FERRY3: variants seen among roughly 807,000 people sequenced by gnomAD.
FERRY3 encodes the protein FERRY endosomal RAB5 effector complex subunit 3.
chr12:4,516,348 AGCTTCTGAAGAT>A, the FERRY3 span, among the ~76,000 whole-genome samples: 1 of 152,230 alleles, frequency 6.6e-6, no homozygotes, highest in Non-Finnish European at 1.5e-5. Context: ...ACAGAGTCCA[AGCTTCTGAAGAT>A]CTGGGTATAT....
chr12:4,531,980 A>C, the FERRY3 span, among the ~76,000 whole-genome samples: 5 of 152,230 alleles, frequency 3.3e-5, no homozygotes. Flanking sequence ...AAGAGAAAGC[A>C]GATAAGCTAT....
the FERRY3 span, among the ~76,000 whole-genome samples, chr12:4,519,665 C>T: frequency 3.3e-5 from 5 of 152,172 alleles, no homozygotes; most frequent in Non-Finnish European, 7.3e-5. The surrounding 1 kb of genome is among the most constrained non-coding windows in gnomAD (Gnocchi z 4.3). Context: ...CCCAATTCCC[C>T]GTACAGGCCT....
the FERRY3 span, among the ~76,000 whole-genome samples, chr12:4,498,200 G>A: frequency 2.6e-5 from 4 of 152,174 alleles, no homozygotes; most frequent in African/African-American, 9.6e-5. Flanking sequence ...GTGACTTTTG[G>A]AAACACTGTT....
At chr12:4,503,836 G>T in the FERRY3 span, among the ~76,000 whole-genome samples, 1 of 151,862 alleles carries the variant, frequency 6.6e-6, no homozygotes, top group African/African-American at 2.4e-5. Context: ...AAAAGACTAA[G>T]GAAACACATA....
At chr12:4,527,985 T>C in the FERRY3 span, among the ~76,000 whole-genome samples, 1 of 151,930 alleles carries the variant, frequency 6.6e-6, no homozygotes, top group Non-Finnish European at 1.5e-5. Context: ...AGATGAAGAA[T>C]CATGTAGAAC....
chr12:4,496,874 T>C, the FERRY3 span, among the ~76,000 whole-genome samples: 1 of 152,192 alleles, frequency 6.6e-6, no homozygotes, highest in East Asian at 1.9e-4. Flanking sequence ...TGTTAATAAG[T>C]TTCACAGTCC....
the FERRY3 span, among the ~76,000 whole-genome samples, chr12:4,532,876 T>C: frequency 6.6e-6 from 1 of 152,188 alleles, no homozygotes; most frequent in Non-Finnish European, 1.5e-5. Flanking sequence ...CCTCATCTTA[T>C]TCCTCTTCTC....
the FERRY3 span, among the ~76,000 whole-genome samples, chr12:4,514,460 G>A: frequency 5.9e-5 from 9 of 152,080 alleles, no homozygotes; most frequent in East Asian, 9.6e-4. Context: ...TGTTTACTGC[G>A]GCATTATTCA....
the FERRY3 span, among the ~76,000 whole-genome samples, chr12:4,494,377 C>G: frequency 2.6e-5 from 4 of 152,048 alleles, no homozygotes; most frequent in African/African-American, 9.7e-5. Flanking sequence ...ATGGCTTATG[C>G]CTTTGTGGCC....
At chr12:4,528,896 TACACACACACACACACAC>T in the FERRY3 span, among the ~76,000 whole-genome samples, 89 of 131,616 alleles carry the variant, frequency 6.8e-4, 1 homozygote, top group South Asian at 0.016. Context: ...TTAAATCAGT[TACACACACACACACACAC>T]ACACACACAC....
the FERRY3 span, among the ~76,000 whole-genome samples, chr12:4,494,707 C>G: frequency 6.6e-6 from 1 of 152,196 alleles, no homozygotes; most frequent in Non-Finnish European, 1.5e-5. Flanking sequence ...GCCAATATCA[C>G]ATTGCACTGA....
At chr12:4,516,657 T>A in the FERRY3 span, among the ~76,000 whole-genome samples, 2 of 152,192 alleles carry the variant, frequency 1.3e-5, no homozygotes, top group African/African-American at 4.8e-5. Flanking sequence ...GGGAGCTGAA[T>A]GATCAGAACA....
At chr12:4,494,405 C>T in the FERRY3 span, among the ~76,000 whole-genome samples, 8 of 152,168 alleles carry the variant, frequency 5.3e-5, no homozygotes, top group Admixed American at 2.0e-4. Flanking sequence ...TTTTAACCTG[C>T]TTAACCTGAT....
At chr12:4,521,374 G>A in the FERRY3 span, among the ~76,000 whole-genome samples, 6 of 151,878 alleles carry the variant, frequency 4.0e-5, no homozygotes, top group Admixed American at 6.6e-5. Context: ...TCTCGGGGCC[G>A]GGGAGGAGAA....
the FERRY3 span, among the ~76,000 whole-genome samples, chr12:4,510,664 G>A: frequency 6.6e-6 from 1 of 151,120 alleles, no homozygotes; most frequent in Middle Eastern, 3.4e-3. Context: ...AAGTGAAGGA[G>A]AAATAAAATA....
At chr12:4,526,798 T>C in the FERRY3 span, among the ~76,000 whole-genome samples, 2 of 150,964 alleles carry the variant, frequency 1.3e-5, no homozygotes, top group African/African-American at 4.9e-5. Context: ...GCTGAGATCG[T>C]GTCACTGTAC....
chr12:4,528,623 T>G, the FERRY3 span, among the ~76,000 whole-genome samples: 5 of 152,094 alleles, frequency 3.3e-5, no homozygotes, highest in Non-Finnish European at 5.9e-5. Flanking sequence ...GAATAAGTGG[T>G]CCAGAGGAGT....
chr12:4,490,536 A>G, the FERRY3 span: 37 of 1,606,260 alleles, frequency 2.3e-5, no homozygotes, highest in Non-Finnish European at 3.1e-5. Flanking sequence ...GGTACTAGAA[A>G]TTGCACTGTC....
At chr12:4,500,444 G>C in the FERRY3 span, 1 of 953,156 alleles carries the variant, frequency 1.0e-6, no homozygotes, top group Non-Finnish European at 1.6e-6. Context: ...TGTTGAACTA[G>C]TAGGGGTGTA....
Sources: allele counts gnomAD v4.1 joint callset (sites outside exome capture counted in the v4.1 genomes callset), GRCh38; gene constraint gnomAD v4.1.1; non-coding constraint Gnocchi (gnomAD v3.1); transcripts MANE v1.5; gene names NCBI Gene and HGNC (gene_info 2026-07-23, HGNC 2026-07-21).